The following RNF216 variants were observed in gnomAD, a reference collection of about 807,000 sequenced individuals.
RNF216 encodes ring finger protein 216.
Under a neutral mutation model 110.8 loss-of-function variants are expected in RNF216, and 72 were observed. The ratio of observed to expected loss-of-function variants is 0.65; its 90% confidence interval spans 0.54 to 0.79. RNF216 has a LOEUF of 0.79. Ranked by LOEUF, RNF216 falls within the 30% of genes least tolerant of loss-of-function variation. The pLI, the probability that RNF216 is intolerant of heterozygous loss-of-function variation, is 0.00. For missense variants in RNF216, 1,342 were observed against 1,141.2 expected (o/e 1.18, Z -2.54); for synonymous variants, 495 against 407.5 (o/e 1.21, Z -2.59).
chr7:5,767,482 A>AC (rs1001093375), intron 1 of RNF216, among the ~76,000 whole-genome samples: 2 of 151,422 alleles, frequency 1.3e-5, no homozygotes, highest in East Asian at 1.9e-4. Context: ...TAACCTCCTC[A>AC]CCCCCCACCA....
At chr7:5,698,314 AC>A (rs1204655615) in intron 13 of RNF216, among the ~76,000 whole-genome samples, 2 of 151,724 alleles carry the variant, frequency 1.3e-5, no homozygotes, top group East Asian at 3.9e-4. Flanking sequence ...TCAACACAGA[AC>A]CCCAGGCTTC....
intron 15 of RNF216, among the ~76,000 whole-genome samples, chr7:5,637,267 G>A (rs935522942): frequency 1.3e-5 from 2 of 152,094 alleles, no homozygotes; most frequent in African/African-American, 4.8e-5. Flanking sequence ...TGCACCTCCC[G>A]ATCACCCAGC....
intron 13 of RNF216, among the ~76,000 whole-genome samples, chr7:5,685,030 G>C (rs754724016): frequency 1.3e-5 from 2 of 152,082 alleles, no homozygotes; most frequent in Non-Finnish European, 2.9e-5. Flanking sequence ...GAGTGCCCAG[G>C]ATTCTTGCTG....
chr7:5,715,169 G>C lies in RNF216; in HGVS notation c.1717C>G (p.Arg573Gly). Residue 573 changes from arginine to glycine, a missense_variant, in exon 11 of 17, where the codon CGC becomes GGC. Coordinates refer to ENST00000389902, the MANE Select transcript of RNF216 (RefSeq NM_207111.4). ...YQKDGQLIEC[R>G]CCYGEFPFEE... Reference sequence around the variant, plus strand: ...AATGGAAATTCCCCATAGCAGCAGCGACACTCAATCAGCTGGCCATCCTGC... The same window carrying C: ...AATGGAAATTCCCCATAGCAGCAGCCACACTCAATCAGCTGGCCATCCTGC... The C allele has an allele frequency of 6.2e-7, 1 of 1,613,310 alleles. No homozygotes were observed. Among genetic ancestry groups the C allele is most frequent in the Non-Finnish European group, 8.5e-7 (1 of 1,179,930 alleles).
At chr7:5,714,798 A>G (rs1319049220) in intron 11 of RNF216, among the ~76,000 whole-genome samples, 2 of 152,330 alleles carry the variant, frequency 1.3e-5, no homozygotes, top group Admixed American at 1.3e-4. Flanking sequence ...CTGAATACAA[A>G]TAAGATGATG....
chr7:5,683,956 G>T (rs1193137001), intron 13 of RNF216, among the ~76,000 whole-genome samples: 1 of 152,080 alleles, frequency 6.6e-6, no homozygotes, highest in African/African-American at 2.4e-5. Flanking sequence ...GCTGGCTACT[G>T]CTAAGTTAAG....
At chr7:5,642,359 G>A (rs1003658971) in intron 14 of RNF216, among the ~76,000 whole-genome samples, 15 of 151,824 alleles carry the variant, frequency 9.9e-5, no homozygotes, top group African/African-American at 2.9e-4. Flanking sequence ...GATTACAGGC[G>A]CCCACCACCA....
intron 1 of RNF216, among the ~76,000 whole-genome samples, chr7:5,764,753 C>T (rs1024395955): frequency 5.3e-5 from 8 of 151,974 alleles, no homozygotes; most frequent in African/African-American, 1.9e-4. Flanking sequence ...ATTCTATGAT[C>T]CCTTAAATTC....
chr7:5,730,421 G>C lies in RNF216; in HGVS notation c.1224+294C>G, dbSNP rs377344875. ...TTTGGCCAATTCTTGTTTTGCTTTA[G>C]GAATTTGCTTTGTAGGATTAAAGAT... On this transcript the variant is annotated intron_variant, in intron 6 of 16. Coordinates refer to ENST00000389902, the MANE Select transcript of RNF216 (RefSeq NM_207111.4). 6.6e-5 allele frequency among the ~76,000 whole-genome samples: 10 copies of C among 152,252 alleles called. No homozygotes were observed. The South Asian group carries it at 1.9e-3, about 28-fold the overall frequency.
chr7:5,741,933 A>C (rs1345067822), intron 3 of RNF216, 118 bp from the exon 4 acceptor site: 7 of 976,466 alleles, frequency 7.2e-6, no homozygotes, highest in Non-Finnish European at 1.0e-5. Flanking sequence ...ATCTCCCTTA[A>C]CAATACCTAT....
chr7:5,661,368 C>G, intron 13 of RNF216, among the ~76,000 whole-genome samples: 1 of 152,194 alleles, frequency 6.6e-6, no homozygotes, highest in South Asian at 2.1e-4. Context: ...AGCTTGTAGG[C>G]TTAGGTTTTT....
At chr7:5,662,359 T>C (rs562149400) in intron 13 of RNF216, 3 of 152,296 alleles carry the variant, frequency 2.0e-5, no homozygotes, top group African/African-American at 7.2e-5. Context: ...TAAACAGAGA[T>C]AGGCTCCATG....
At chr7:5,688,375 T>A (rs867696332) in intron 13 of RNF216, among the ~76,000 whole-genome samples, 1 of 152,110 alleles carries the variant, frequency 6.6e-6, no homozygotes, top group Non-Finnish European at 1.5e-5. Flanking sequence ...TCAAAGGAAA[T>A]TGCCCAGCTA....
At chr7:5,685,265 C>T (rs1453734020) in intron 13 of RNF216, among the ~76,000 whole-genome samples, 1 of 152,154 alleles carries the variant, frequency 6.6e-6, no homozygotes, top group African/African-American at 2.4e-5. Context: ...AAACCATCTC[C>T]TCCTTTTTGC....
At chr7:5,775,341 G>T (rs1339819957) in intron 1 of RNF216, among the ~76,000 whole-genome samples, 1 of 152,136 alleles carries the variant, frequency 6.6e-6, no homozygotes, top group Non-Finnish European at 1.5e-5. Flanking sequence ...TGACCAGAAT[G>T]CTTGAGGCTG....
intron 13 of RNF216, among the ~76,000 whole-genome samples, chr7:5,697,578 C>A (rs1316313031): frequency 6.6e-6 from 1 of 152,124 alleles, no homozygotes; most frequent in Non-Finnish European, 1.5e-5. Context: ...TGAGGTCTTG[C>A]TATGTTGTCC....
At chr7:5,635,775 G>A (rs1194617080) in intron 15 of RNF216, among the ~76,000 whole-genome samples, 1 of 152,238 alleles carries the variant, frequency 6.6e-6, no homozygotes, top group Admixed American at 6.5e-5. Context: ...TTCGAGCACT[G>A]CTACAGAACT....
chr7:5,730,664 A>G, intron 6 of RNF216, 51 bp downstream of exon 6: 1 of 1,597,126 alleles, frequency 6.3e-7, no homozygotes, highest in Non-Finnish European at 8.5e-7. Context: ...CAACAACAAC[A>G]AAGCACAGCA....
chr7:5,697,455 T>C (rs1186195602), intron 13 of RNF216, among the ~76,000 whole-genome samples: 1 of 152,146 alleles, frequency 6.6e-6, no homozygotes, highest in Non-Finnish European at 1.5e-5. Context: ...GTAATGATCG[T>C]GTTTAGAGGA....
Sources: allele counts gnomAD v4.1 joint callset (sites outside exome capture counted in the v4.1 genomes callset), GRCh38; gene constraint gnomAD v4.1.1; transcripts MANE v1.5; gene names NCBI Gene and HGNC (gene_info 2026-07-23, HGNC 2026-07-21).